Variants in CMSS1 observed in about 807,000 individuals in gnomAD.
CMSS1 encodes cms1 ribosomal small subunit homolog, also known as protein CMSS1.
In CMSS1, 33 loss-of-function variants were observed where a neutral mutation model predicts 43.5. The ratio of observed to expected loss-of-function variants is 0.76; its 90% CI spans 0.57 to 1.01. CMSS1 has a LOEUF of 1.01. Ranked by LOEUF, CMSS1 falls within the 50% of genes least tolerant of loss-of-function variation. The pLI is 0.00. For synonymous variants in CMSS1, 115 were observed against 117.2 expected (o/e 0.98, Z 0.12); for missense variants, 313 against 326.4 (o/e 0.96, Z 0.32).
chr3:99,921,239 G>C (rs531359028), intron 1 of CMSS1, among the ~76,000 whole-genome samples: 1 of 152,176 alleles, frequency 6.6e-6, no homozygotes, highest in Admixed American at 6.5e-5. Context: ...GCACACTACG[G>C]GTATTTCACA....
intron 2 of CMSS1, among the ~76,000 whole-genome samples, chr3:100,150,417 G>C (rs921731443): frequency 6.6e-5 from 10 of 152,112 alleles, no homozygotes; most frequent in Non-Finnish European, 1.2e-4. Flanking sequence ...TATTCCTTCA[G>C]TTTTTCTTTA....
chr3:100,088,798 A>G (rs1177758789), intron 1 of CMSS1, among the ~76,000 whole-genome samples: 3 of 151,828 alleles, frequency 2.0e-5, no homozygotes, highest in African/African-American at 4.8e-5. Flanking sequence ...ACTTTTTTGT[A>G]TCTTTTAATT....
At chr3:100,149,228 A>C (rs2066881321) in intron 2 of CMSS1, among the ~76,000 whole-genome samples, 1 of 152,206 alleles carries the variant, frequency 6.6e-6, no homozygotes, top group African/African-American at 2.4e-5. Flanking sequence ...ACTGTAACAT[A>C]ATCCTCACGG....
intron 1 of CMSS1, among the ~76,000 whole-genome samples, chr3:100,015,115 A>G (rs1011503169): frequency 6.6e-6 from 1 of 151,820 alleles, no homozygotes; most frequent in Non-Finnish European, 1.5e-5. Context: ...TCATGTAGAT[A>G]TCCAGTTTTC....
intron 1 of CMSS1, chr3:99,848,986 G>A (rs377403924): frequency 1.1e-5 from 18 of 1,613,996 alleles, no homozygotes; most frequent in South Asian, 2.2e-5. Flanking sequence ...CTGCCCAGGT[G>A]TGTGGCTTAG....
intron 1 of CMSS1, among the ~76,000 whole-genome samples, chr3:99,964,061 A>G (rs1708572613): frequency 6.6e-6 from 1 of 152,062 alleles, no homozygotes; most frequent in Admixed American, 6.5e-5. Context: ...TTTGAACATA[A>G]TAATTGTTAT....
At chr3:99,924,545 T>G (rs1707228660) in intron 1 of CMSS1, 1 of 879,616 alleles carries the variant, frequency 1.1e-6, no homozygotes, top group African/African-American at 1.7e-5. Flanking sequence ...TTGAAACAGT[T>G]TTCGCTGTCG....
chr3:100,165,166 G>A (rs2067055930), intron 4 of CMSS1, among the ~76,000 whole-genome samples: 1 of 152,112 alleles, frequency 6.6e-6, no homozygotes, highest in Non-Finnish European at 1.5e-5. Context: ...CTCCAGGTGA[G>A]TCTGATCATA....
chr3:100,036,246 A>G (rs1238831338), intron 1 of CMSS1, among the ~76,000 whole-genome samples: 1 of 152,194 alleles, frequency 6.6e-6, no homozygotes, highest in Non-Finnish European at 1.5e-5. Flanking sequence ...AAGCTTCTAC[A>G]TCTCATTTCC....
At chr3:99,825,227 C>T (rs1942514775) in intron 1 of CMSS1, among the ~76,000 whole-genome samples, 1 of 152,188 alleles carries the variant, frequency 6.6e-6, no homozygotes, top group African/African-American at 2.4e-5. Flanking sequence ...TCGTCAAGCT[C>T]TCATGCTTAG....
intron 1 of CMSS1, among the ~76,000 whole-genome samples, chr3:99,993,783 T>A (rs1709593715): frequency 6.6e-6 from 1 of 152,204 alleles, no homozygotes; most frequent in Non-Finnish European, 1.5e-5. Flanking sequence ...TGTTTATTGA[T>A]TTACATGTGT....
chr3:99,850,590 T>G (rs1319100896), intron 1 of CMSS1: 1 of 1,613,710 alleles, frequency 6.2e-7, no homozygotes, highest in African/African-American at 1.3e-5. Context: ...CGTTTCCATA[T>G]TCTCCCTTAC....
chr3:100,063,975 A>T (rs2065617364), intron 1 of CMSS1, among the ~76,000 whole-genome samples: 1 of 152,212 alleles, frequency 6.6e-6, no homozygotes, highest in African/African-American at 2.4e-5. Context: ...TGGTGCCAGT[A>T]CTGAATGTTC....
At chr3:100,124,896 GATCCCCGTTTT>G (rs2066651231) in intron 1 of CMSS1, among the ~76,000 whole-genome samples, 1 of 121,316 alleles carries the variant, frequency 8.2e-6, no homozygotes, top group African/African-American at 3.3e-5. Flanking sequence ...CTAACTCTCA[GATCCCCGTTTT>G]CAGTCTGTAC....
chr3:100,083,094 T>C (rs1343678428), intron 1 of CMSS1, among the ~76,000 whole-genome samples: 2 of 152,206 alleles, frequency 1.3e-5, no homozygotes, highest in Admixed American at 1.3e-4. Context: ...AATAAAATCA[T>C]GTATGGATTT....
intron 1 of CMSS1, among the ~76,000 whole-genome samples, chr3:100,098,829 A>C (rs2066256925): frequency 6.6e-6 from 1 of 152,238 alleles, no homozygotes; most frequent in Non-Finnish European, 1.5e-5. Context: ...GGGATCTCAA[A>C]TGGCTTCCTT....
intron 1 of CMSS1, among the ~76,000 whole-genome samples, chr3:99,826,785 T>C (rs1477780125): frequency 6.6e-6 from 1 of 152,202 alleles, no homozygotes; most frequent in Non-Finnish European, 1.5e-5. Flanking sequence ...CAAGATTAGT[T>C]CAGAAACCTT....
intron 1 of CMSS1, among the ~76,000 whole-genome samples, chr3:100,009,414 C>T (rs1710079306): frequency 6.6e-6 from 1 of 152,100 alleles, no homozygotes; most frequent in African/African-American, 2.4e-5. Context: ...TGTTAGCAAC[C>T]TGAGCAGTCA....
intron 3 of CMSS1, among the ~76,000 whole-genome samples, chr3:100,160,731 T>G (rs937426552): frequency 3.3e-5 from 5 of 152,180 alleles, no homozygotes; most frequent in Admixed American, 3.3e-4. Flanking sequence ...GTGCCAAATA[T>G]CTTTGTTACC....
Sources: allele counts gnomAD v4.1 joint callset (sites outside exome capture counted in the v4.1 genomes callset), GRCh38; gene constraint gnomAD v4.1.1; transcripts MANE v1.5; gene names NCBI Gene and HGNC (gene_info 2026-07-23, HGNC 2026-07-21).